The following ADAR variants were observed in gnomAD, a reference collection of about 807,000 sequenced individuals.
ADAR encodes adenosine deaminase RNA specific.
A neutral mutation model predicts 113.2 loss-of-function variants in ADAR; 41 were observed. The ratio of observed to expected loss-of-function variants is 0.36; its 90% CI spans 0.28 to 0.47. ADAR has a LOEUF of 0.47. Among genes scored for constraint, ADAR ranks in the 20% least tolerant of loss-of-function variants. The pLI is 1.00. For synonymous variants in ADAR, 605 were observed against 572.6 expected (o/e 1.06, Z -0.81); for missense variants, 1,242 against 1,540.9 (o/e 0.81, Z 3.25).
rs370898628 is a variant in ADAR, at chr1:154,589,867, T to C, written c.2558A>G (p.Asn853Ser). 1.9e-6 allele frequency: 3 copies of C among 1,613,880 alleles called. No homozygotes were observed. The highest frequency in any genetic ancestry group is 2.7e-5 in the African/African-American group (2 of 74,852). The change falls in exon 8 of 15, where the codon AAC becomes AGC. Residue 853 changes from asparagine (N) to serine (S), a missense_variant. Coordinates refer to ENST00000368474, the MANE Select transcript of ADAR (RefSeq NM_001111.5). ...GGGCTGGAAGCTGTTAGTCAGAGTGTTGAAGCACCGGTGGCTCAGCATGGC... is the reference window on the plus strand; with the variant it reads ...GGGCTGGAAGCTGTTAGTCAGAGTGCTGAAGCACCGGTGGCTCAGCATGGC... ...QIAMLSHRCF[N>S]TLTNSFQPSL...
chr1:154,606,845 C>T (rs1439137770), intron 1 of ADAR, among the ~76,000 whole-genome samples: 1 of 151,786 alleles, frequency 6.6e-6, no homozygotes, highest in Non-Finnish European at 1.5e-5. Flanking sequence ...TTGCCTTTAC[C>T]ACACAGGTTC....
chr1:154,610,161 T>C, upstream of ADAR, among the ~76,000 whole-genome samples: 1 of 152,188 alleles, frequency 6.6e-6, no homozygotes, highest in East Asian at 1.9e-4. Context: ...GCCATCTGAT[T>C]AGACCAGGTG....
In ADAR at chr1:154,590,174, A is replaced by G. The variant is rs1444759040; in HGVS notation, c.2496+10T>C. On this transcript the variant is annotated intron_variant, in intron 7 of 14. Coordinates refer to ENST00000368474, the MANE Select transcript of ADAR (RefSeq NM_001111.5). ...GCCCCAAAAAAGGCACCAAAAGTAGACGTCTTAACTGTCTTTGGCTGTGCT... is the reference window on the plus strand; with the variant it reads ...GCCCCAAAAAAGGCACCAAAAGTAGGCGTCTTAACTGTCTTTGGCTGTGCT... 2 of 971,816 alleles carry G rather than the reference A, an allele frequency of 2.1e-6. No homozygotes were observed. The highest frequency in any genetic ancestry group is 3.1e-6 in the Non-Finnish European group (2 of 653,026). 60.2% of individuals were successfully genotyped at this position (971,816 alleles called of 1,614,324 possible).
At chr1:154,616,313 G>A (rs1698635813) in intron 1 of ADAR, among the ~76,000 whole-genome samples, 1 of 152,052 alleles carries the variant, frequency 6.6e-6, no homozygotes, top group African/African-American at 2.4e-5. Context: ...TTACACGATG[G>A]CTCCAAAGCC....
intron 7 of ADAR, 31 bp downstream of exon 7, chr1:154,590,153 C>CCA (rs1553209447): frequency 6.4e-5 from 73 of 1,141,304 alleles, no homozygotes; most frequent in South Asian, 1.9e-4. Context: ...CCCCCCGCCC[C>CCA]AAAAAAGGCA....
upstream of ADAR, among the ~76,000 whole-genome samples, chr1:154,610,711 G>A (rs1418009907): frequency 6.7e-6 from 1 of 149,966 alleles, no homozygotes; most frequent in East Asian, 2.0e-4. Flanking sequence ...TGGGGAGGCT[G>A]ACGTGGTAGA....
At chr1:154,606,030 G>C (rs1442720005) in intron 1 of ADAR, 5 of 846,522 alleles carry the variant, frequency 5.9e-6, no homozygotes, top group Non-Finnish European at 7.1e-6. Flanking sequence ...TTGTGAGACG[G>C]AGTCTCGCTC....
At chr1:154,627,886 A>G (rs767584036) in exon 1 of ADAR, 2 of 518,010 alleles carry the variant, frequency 3.9e-6, no homozygotes, top group African/African-American at 3.9e-5. Context: ...ACACGGCCGG[A>G]CACCCGGAGA....
chr1:154,589,901 C>A lies in ADAR; in HGVS notation c.2524G>T (p.Asp842Tyr). ...CGGTGGCTCAGCATGGCTATCTGGT[C>A]ATGGAAGGTGCTGCCAGTGAGAGGG... ...TLPLTGSTFH[D>Y]QIAMLSHRCF... is the part of the protein sequence containing the mutation. Residue 842 changes from aspartate (D) to tyrosine (Y), a missense_variant, in exon 8 of 15, where the codon GAC (aspartate) becomes TAC (tyrosine). Physicochemically the swap from Asp to Tyr is radical, Grantham distance 160. This residue lies in a region of ADAR where 780 missense variants were observed against 1,057.9 expected (regional missense o/e 0.74). Transcript: ENST00000368474. The A allele has an allele frequency of 1.9e-6, 3 of 1,613,966 alleles. No individual in the cohort carries two copies. The South Asian group carries it at 3.3e-5, about 18-fold the overall frequency.
Position 154,585,897 on chromosome 1 carries a change from G to A in ADAR, c.3203-32C>T, listed in dbSNP as rs370425270. 4.5e-6 allele frequency: 7 copies of A among 1,564,464 alleles called. No individual in the cohort carries two copies. In the African/African-American group the frequency reaches 9.5e-5, roughly 21 times the overall value. On this transcript the variant is annotated intron_variant, in intron 12 of 14. Coordinates refer to ENST00000368474, the MANE Select transcript of ADAR (RefSeq NM_001111.5). Reference sequence around the variant, plus strand: ...ACAAAAAAGAGAAACATATATACCTGTGTTTGCACCAAATGCTGTTAAGAG... The same window carrying A: ...ACAAAAAAGAGAAACATATATACCTATGTTTGCACCAAATGCTGTTAAGAG...
intron 14 of ADAR, 65 bp downstream of exon 14, chr1:154,585,152 G>GT: frequency 6.2e-7 from 1 of 1,613,850 alleles, no homozygotes; most frequent in Non-Finnish European, 8.5e-7. Context: ...GACTGCAGAG[G>GT]TATGATGCAC....
intron 1 of ADAR, among the ~76,000 whole-genome samples, chr1:154,621,482 T>C (rs1698790913): frequency 6.6e-6 from 1 of 152,304 alleles, no homozygotes; most frequent in South Asian, 2.1e-4. Context: ...CTTTTTACCA[T>C]GAGGATAAAC....
intron 1 of ADAR, among the ~76,000 whole-genome samples, chr1:154,627,294 G>C (rs1343514084): frequency 6.6e-6 from 1 of 152,228 alleles, no homozygotes; most frequent in African/African-American, 2.4e-5. Flanking sequence ...TGAGCGCGGC[G>C]GCCGTGACCC....
chr1:154,584,753 CCT>C lies in ADAR; in HGVS notation c.*51_*52del. ...ATGTGATGAGGAATGCTACGACCTACCTCTCTCACACCCTAGTATGACACACC... is the reference window on the plus strand; with the variant it reads ...ATGTGATGAGGAATGCTACGACCTACCTCTCACACCCTAGTATGACACACC... On this transcript the variant is annotated 3_prime_UTR_variant, in exon 15 of 15. Transcript: ENST00000368474. 1.4e-6 allele frequency: 2 copies of C among 1,449,976 alleles called. No individual in the cohort carries two copies. Among genetic ancestry groups the C allele is most frequent in the Non-Finnish European group, 1.9e-6 (2 of 1,032,726 alleles). 89.8% of individuals were successfully genotyped at this position (1,449,976 alleles called of 1,614,324 possible).
rs1697654366 is a variant in ADAR, at chr1:154,598,548, G to A, written c.1639C>T (p.Pro547Ser). 1 of 1,614,104 alleles carries A rather than the reference G, an allele frequency of 6.2e-7. No homozygotes were observed. Among genetic ancestry groups the A allele is most frequent in the Non-Finnish European group, 8.5e-7 (1 of 1,180,054 alleles). The stretch of plus-strand genomic sequence containing the variant: ...TTCTTGCTTCCAGCTTCAGCTGGGG[G>A]AAACTCTCGGCCATTGATGACAACC... ...FQVVINGREF[P>S]PAEAGSKKVA... Residue 547 changes from proline (P) to serine (S), a missense_variant, in exon 3 of 15, where the codon CCC becomes TCC. Transcript: ENST00000368474.
At chr1:154,620,356 A>C (rs61811390) in intron 1 of ADAR, among the ~76,000 whole-genome samples, 31,872 of 152,008 alleles carry the variant, frequency 0.21, 3,453 homozygotes, top group South Asian at 0.33. Context: ...CAGGGAGCCA[A>C]GATCGTGCCA....
upstream of ADAR, among the ~76,000 whole-genome samples, chr1:154,610,808 CAAAAAAAAAAAAAAAGAAA>C (rs1325119094): frequency 5.4e-4 from 22 of 40,560 alleles, 1 homozygote; most frequent in South Asian, 6.5e-3. Context: ...GACACCGTCT[CAAAAAAAAAAAAAAAGAAA>C]AAAAAAAAAA....
At chr1:154,598,704 T>G in intron 2 of ADAR, 119 bp from the exon 3 acceptor site, 1 of 670,272 alleles carries the variant, frequency 1.5e-6, no homozygotes, top group Non-Finnish European at 2.5e-6. Flanking sequence ...CTTGTGGAGA[T>G]GAAGGGTAGG....
Position 154,598,597 on chromosome 1 carries a change from G to A in ADAR, c.1602-12C>T. The A allele has an allele frequency of 6.2e-7, 1 of 1,613,850 alleles. No homozygotes were observed. The highest frequency in any genetic ancestry group is 8.5e-7 in the Non-Finnish European group (1 of 1,179,728). Reference sequence around the variant, plus strand: ...CCTGGAATTTAAATCTTGACGGAAAGTGATTAGATGTGTGAACAGGAGTCT... The same window carrying A: ...CCTGGAATTTAAATCTTGACGGAAAATGATTAGATGTGTGAACAGGAGTCT... On this transcript the variant is annotated splice_polypyrimidine_tract_variant and intron_variant, in intron 2 of 14. Transcript: ENST00000368474.
Sources: allele counts gnomAD v4.1 joint callset (sites outside exome capture counted in the v4.1 genomes callset), GRCh38; gene constraint gnomAD v4.1.1; regional missense constraint gnomAD v4.1.1; transcripts MANE v1.5; gene names NCBI Gene and HGNC (gene_info 2026-07-23, HGNC 2026-07-21).